Variants in PIP5K1B observed in about 807,000 individuals in gnomAD.
PIP5K1B encodes the protein phosphatidylinositol-4-phosphate 5-kinase type 1 beta, also known as phosphatidylinositol 4-phosphate 5-kinase type-1 beta.
PIP5K1B carries 42 observed loss-of-function variants against 67.0 expected under a neutral mutation model. The ratio of observed to expected loss-of-function variants is 0.63; its 90% CI spans 0.49 to 0.81. The LOEUF is 0.81. Ranked by LOEUF, PIP5K1B falls within the 30% of genes least tolerant of loss-of-function variation. The pLI, the probability that PIP5K1B is intolerant of heterozygous loss-of-function variation, is 0.00. For synonymous variants in PIP5K1B, 214 were observed against 231.4 expected, an observed-to-expected ratio of 0.92 and a Z score of 0.68; for missense variants, 459 against 646.3, an observed-to-expected ratio of 0.71 and a Z score of 3.14.
intron 12 of PIP5K1B, among the ~76,000 whole-genome samples, chr9:68,926,576 T>C (rs1421061364): frequency 6.6e-6 from 1 of 152,124 alleles, no homozygotes; most frequent in African/African-American, 2.4e-5. Context: ...TAAATTTATT[T>C]ATTTATTTAT....
intron 2 of PIP5K1B, among the ~76,000 whole-genome samples, chr9:68,794,764 C>A (rs1832194317): frequency 1.3e-5 from 2 of 151,180 alleles, no homozygotes; most frequent in Admixed American, 1.3e-4. Flanking sequence ...TTCCCTATTC[C>A]TTTGCAAAAT....
intron 4 of PIP5K1B, among the ~76,000 whole-genome samples, chr9:68,838,982 T>C (rs1290017774): frequency 6.6e-6 from 1 of 152,136 alleles, no homozygotes; most frequent in African/African-American, 2.4e-5. Flanking sequence ...GTTTGGAGAA[T>C]GTCTTAAAAT....
At chr9:68,709,022 T>C (rs749426709) in intron 1 of PIP5K1B, among the ~76,000 whole-genome samples, 21 of 152,298 alleles carry the variant, frequency 1.4e-4, no homozygotes, top group Admixed American at 2.6e-4. Flanking sequence ...AGGACCAAGA[T>C]CAATGTGGAA....
intron 5 of PIP5K1B, among the ~76,000 whole-genome samples, chr9:68,869,083 G>A (rs189764723): frequency 2.9e-4 from 44 of 152,306 alleles, no homozygotes; most frequent in African/African-American, 8.2e-4. Flanking sequence ...CCAACTGCCT[G>A]CATTTCTAGG....
At chr9:68,878,821 A>T (rs1824027716) in intron 6 of PIP5K1B, among the ~76,000 whole-genome samples, 1 of 152,218 alleles carries the variant, frequency 6.6e-6, no homozygotes, top group African/African-American at 2.4e-5. Flanking sequence ...AGGTCTTCTT[A>T]TGAGCATGAT....
intron 2 of PIP5K1B, among the ~76,000 whole-genome samples, chr9:68,802,691 A>G (rs1429806582): frequency 6.6e-6 from 1 of 152,114 alleles, no homozygotes; most frequent in African/African-American, 2.4e-5. Context: ...CCTGAGAGTG[A>G]AGGGGATGTG....
intron 6 of PIP5K1B, 108 bp from the exon 7 acceptor site, chr9:68,888,873 G>A: frequency 2.8e-6 from 2 of 724,428 alleles, no homozygotes; most frequent in South Asian, 2.1e-5. Flanking sequence ...CCCGTAGAGA[G>A]GCTTCTTGTT....
At chr9:68,926,216 A>G (rs1462151018) in intron 12 of PIP5K1B, among the ~76,000 whole-genome samples, 4 of 152,012 alleles carry the variant, frequency 2.6e-5, no homozygotes, top group African/African-American at 9.7e-5. Context: ...TTAATGTTCT[A>G]GCTTTGGTGA....
At chr9:68,954,465 G>A (rs964486273) in intron 14 of PIP5K1B, among the ~76,000 whole-genome samples, 1 of 152,190 alleles carries the variant, frequency 6.6e-6, no homozygotes, top group Non-Finnish European at 1.5e-5. Flanking sequence ...GTGGAGCTAA[G>A]ACCTACAATT....
At chr9:68,884,297 T>A (rs116938073) in intron 6 of PIP5K1B, among the ~76,000 whole-genome samples, 2,318 of 138,854 alleles carry the variant, frequency 0.017, 35 homozygotes, top group Non-Finnish European at 0.027. Context: ...AACTACTCAA[T>A]AACAAGAAAA....
At chr9:68,819,571 C>G (rs769058980) in intron 3 of PIP5K1B, among the ~76,000 whole-genome samples, 1 of 152,176 alleles carries the variant, frequency 6.6e-6, no homozygotes, top group African/African-American at 2.4e-5. Flanking sequence ...CAATGCCCAA[C>G]GTAATTATAT....
chr9:68,861,722 C>T (rs775305614), intron 4 of PIP5K1B, among the ~76,000 whole-genome samples: 6 of 152,120 alleles, frequency 3.9e-5, no homozygotes, highest in Non-Finnish European at 5.9e-5. Flanking sequence ...GTCTGAGTGA[C>T]GCATGGGAGA....
intron 8 of PIP5K1B, among the ~76,000 whole-genome samples, chr9:68,904,723 A>G (rs1481507200): frequency 2.0e-5 from 3 of 151,100 alleles, no homozygotes; most frequent in Non-Finnish European, 2.9e-5. Context: ...CTGATTCACT[A>G]CAGAAACGGA....
intron 12 of PIP5K1B, among the ~76,000 whole-genome samples, chr9:68,933,777 C>T (rs1004972248): frequency 2.0e-5 from 3 of 152,098 alleles, no homozygotes; most frequent in Admixed American, 1.3e-4. Flanking sequence ...TAAGACTGCT[C>T]GAGGGACAAA....
chr9:68,800,018 C>A (rs1308304342), intron 2 of PIP5K1B, among the ~76,000 whole-genome samples: 1 of 152,078 alleles, frequency 6.6e-6, no homozygotes, highest in Admixed American at 6.5e-5. Context: ...TATAGGGAAC[C>A]CCTACAACCC....
chr9:68,759,376 TA>T (rs1335388571), intron 2 of PIP5K1B, among the ~76,000 whole-genome samples: 1 of 152,094 alleles, frequency 6.6e-6, no homozygotes, highest in African/African-American at 2.4e-5. Context: ...AAGATACTCT[TA>T]AGTAGACTGT....
At chr9:68,905,800 A>G (rs754287874) in intron 8 of PIP5K1B, among the ~76,000 whole-genome samples, 4 of 152,172 alleles carry the variant, frequency 2.6e-5, no homozygotes, top group Non-Finnish European at 5.9e-5. Flanking sequence ...CAGGGCCTGC[A>G]CGATTACCTT....
At chr9:68,823,788 A>G (rs1833848393) in intron 4 of PIP5K1B, among the ~76,000 whole-genome samples, 1 of 152,210 alleles carries the variant, frequency 6.6e-6, no homozygotes, top group South Asian at 2.1e-4. Context: ...GACAGCCTGC[A>G]AGACGTTTAG....
At chr9:68,998,292 C>T (rs934830765) in intron 15 of PIP5K1B, among the ~76,000 whole-genome samples, 3 of 152,204 alleles carry the variant, frequency 2.0e-5, no homozygotes, top group Non-Finnish European at 4.4e-5. Flanking sequence ...CGACCTCAAG[C>T]GATCCGCCCA....
Sources: allele counts gnomAD v4.1 joint callset (sites outside exome capture counted in the v4.1 genomes callset), GRCh38; gene constraint gnomAD v4.1.1; transcripts MANE v1.5; gene names NCBI Gene and HGNC (gene_info 2026-07-23, HGNC 2026-07-21).